KCNAB1: variants seen among roughly 807,000 people sequenced by gnomAD.
KCNAB1 encodes the protein potassium voltage-gated channel subfamily A regulatory beta subunit 1, also known as voltage-gated potassium channel subunit beta-1.
A neutral mutation model predicts 64.6 loss-of-function variants in KCNAB1; 35 were observed. That is an observed-to-expected ratio of 0.54 (90% CI 0.41 to 0.72). The LOEUF (loss-of-function observed/expected upper bound fraction) is 0.72, where lower values mean the gene tolerates loss of function less well. Ranked by LOEUF, KCNAB1 falls within the 30% of genes least tolerant of loss-of-function variation. The pLI is 0.00. For synonymous variants in KCNAB1, 177 were observed against 183.8 expected (o/e 0.96, Z 0.30); for missense variants, 401 against 512.9 (o/e 0.78, Z 2.11).
chr3:156,299,084 AC>A (rs1169811585), intron 1 of KCNAB1, among the ~76,000 whole-genome samples: 25 of 152,350 alleles, frequency 1.6e-4, no homozygotes, highest in African/African-American at 6.0e-4. Flanking sequence ...GGTCAGAGTT[AC>A]CCATGAAGTT....
At chr3:156,515,938 A>T (rs185766601) in intron 10 of KCNAB1, among the ~76,000 whole-genome samples, 371 of 152,320 alleles carry the variant, frequency 2.4e-3, no homozygotes, top group Admixed American at 6.3e-3. Context: ...ACTATGTACC[A>T]GGTGTGTGCT....
intron 8 of KCNAB1, among the ~76,000 whole-genome samples, chr3:156,477,322 T>C (rs1714441182): frequency 6.6e-6 from 1 of 152,154 alleles, no homozygotes; most frequent in Admixed American, 6.5e-5. Context: ...AATGGGAAGC[T>C]ATTTTATCCT....
intron 2 of KCNAB1, among the ~76,000 whole-genome samples, chr3:156,451,738 C>T (rs552402402): frequency 2.0e-5 from 3 of 152,276 alleles, no homozygotes; most frequent in South Asian, 4.2e-4. Context: ...TTTCATCTCA[C>T]GGCCTGATGG....
chr3:156,463,324 C>T (rs1016517440), intron 5 of KCNAB1, among the ~76,000 whole-genome samples: 2 of 152,106 alleles, frequency 1.3e-5, no homozygotes, highest in African/African-American at 4.8e-5. Context: ...AGCAATTCAT[C>T]CCCTCAGTCT....
chr3:156,164,363 C>T (rs919601293), intron 1 of KCNAB1, among the ~76,000 whole-genome samples: 3 of 152,220 alleles, frequency 2.0e-5, no homozygotes, highest in Non-Finnish European at 2.9e-5. Context: ...TGAGGCCGCT[C>T]TCTTGAGAAG....
Position 156,120,871 on chromosome 3 carries a change from C to G in KCNAB1, c.260C>G (p.Thr87Arg), listed in dbSNP as rs1405371077. 2 of 1,613,970 alleles carry G rather than the reference C, an allele frequency of 1.2e-6. No homozygotes were observed. Among genetic ancestry groups the G allele is most frequent in the Non-Finnish European group, 1.7e-6 (2 of 1,180,030 alleles). The change falls in exon 1 of 14, where the codon ACA (threonine) becomes AGA (arginine). Residue 87 changes from threonine to arginine, a missense_variant. Transcript: ENST00000490337. ...AGCGAGCACACCACCGTCTGCACCACAGGCATGCCGCACAGGTAAGCTGCC... is the reference window on the plus strand; with the variant it reads ...AGCGAGCACACCACCGTCTGCACCAGAGGCATGCCGCACAGGTAAGCTGCC... ...LSSEHTTVCT[T>R]GMPHRNLGKS...
intron 8 of KCNAB1, among the ~76,000 whole-genome samples, chr3:156,482,841 T>A (rs1244674091): frequency 2.0e-5 from 3 of 152,106 alleles, no homozygotes; most frequent in Non-Finnish European, 4.4e-5. Flanking sequence ...TTACTGTTTG[T>A]ATAGTACTGC....
chr3:156,245,185 C>A (rs1717379178), intron 1 of KCNAB1, among the ~76,000 whole-genome samples: 1 of 152,160 alleles, frequency 6.6e-6, no homozygotes, highest in African/African-American at 2.4e-5. Context: ...TTAGAATTTA[C>A]CTTCTAGAGT....
intron 1 of KCNAB1, among the ~76,000 whole-genome samples, chr3:156,295,236 G>T (rs1720700738): frequency 6.6e-6 from 1 of 152,120 alleles, no homozygotes; most frequent in African/African-American, 2.4e-5. Context: ...GCATCTTGGG[G>T]CATGAGTAAT....
At chr3:156,269,412 C>T (rs1192002555) in intron 1 of KCNAB1, among the ~76,000 whole-genome samples, 1 of 152,168 alleles carries the variant, frequency 6.6e-6, no homozygotes, top group African/African-American at 2.4e-5. Context: ...CTAACATATG[C>T]GTATTGTCTA....
intron 1 of KCNAB1, among the ~76,000 whole-genome samples, chr3:156,270,763 A>C (rs1718992621): frequency 6.6e-6 from 1 of 152,150 alleles, no homozygotes; most frequent in Non-Finnish European, 1.5e-5. Context: ...CTGTGTACTT[A>C]CTATTACCAG....
chr3:156,206,660 T>G (rs1243244790), intron 1 of KCNAB1, among the ~76,000 whole-genome samples: 2 of 152,240 alleles, frequency 1.3e-5, no homozygotes, highest in Admixed American at 6.5e-5. Flanking sequence ...TTTGTTTATT[T>G]ACATTTATCT....
intron 1 of KCNAB1, chr3:156,176,457 T>C (rs1357999412): frequency 2.5e-6 from 2 of 785,630 alleles, no homozygotes; most frequent in African/African-American, 1.7e-5. Context: ...ACAAAGGAAG[T>C]ATGTCCCTTT....
intron 8 of KCNAB1, among the ~76,000 whole-genome samples, 184 bp downstream of exon 8, chr3:156,475,004 G>A (rs1437233378): frequency 5.3e-5 from 8 of 152,266 alleles, no homozygotes; most frequent in Non-Finnish European, 7.4e-5. Flanking sequence ...TGCGTGCTGC[G>A]TCTTCTTCTT....
At chr3:156,493,525 CA>C (rs1456528667) in intron 8 of KCNAB1, among the ~76,000 whole-genome samples, 1 of 152,056 alleles carries the variant, frequency 6.6e-6, no homozygotes, top group African/African-American at 2.4e-5. Context: ...CAGATTCCCC[CA>C]AATGTTAACA....
chr3:156,225,326 CCTT>C (rs757397123), intron 1 of KCNAB1, among the ~76,000 whole-genome samples: 13 of 152,290 alleles, frequency 8.5e-5, no homozygotes, highest in Non-Finnish European at 1.5e-4. Context: ...AATCACATGA[CCTT>C]CTCAATAGAT....
chr3:156,420,824 G>C (rs1715416260), intron 1 of KCNAB1, among the ~76,000 whole-genome samples: 1 of 152,058 alleles, frequency 6.6e-6, no homozygotes, highest in Non-Finnish European at 1.5e-5. Context: ...ATGCATACTA[G>C]AGCTCCTAGT....
intron 1 of KCNAB1, among the ~76,000 whole-genome samples, chr3:156,394,536 T>C (rs1187552966): frequency 6.6e-6 from 1 of 152,082 alleles, no homozygotes; most frequent in African/African-American, 2.4e-5. Flanking sequence ...ACCACAACCA[T>C]TTGTCAACTC....
At chr3:156,409,079 C>A (rs908725762) in intron 1 of KCNAB1, among the ~76,000 whole-genome samples, 6 of 152,202 alleles carry the variant, frequency 3.9e-5, no homozygotes, top group Admixed American at 3.3e-4. Flanking sequence ...GAAGCACCTA[C>A]TTTACATAAT....
Sources: gnomAD v4.1 joint callset for allele counts (sites outside exome capture counted in the v4.1 genomes callset) on GRCh38, gnomAD v4.1.1 for gene constraint, MANE v1.5 for transcripts, NCBI Gene and HGNC (gene_info 2026-07-23, HGNC 2026-07-21) for gene names.